CELF4: variants seen among roughly 807,000 people sequenced by gnomAD.
CELF4 encodes the protein CUGBP Elav-like family member 4, also known as CUG-BP- and ETR-3-like factor 4.
In CELF4, 18 loss-of-function variants were observed where a neutral mutation model predicts 59.9. That is an observed-to-expected ratio of 0.30 (90% confidence interval 0.21 to 0.45). The LOEUF (loss-of-function observed/expected upper bound fraction) is 0.45, where lower values mean the gene tolerates loss of function less well. Ranked by LOEUF, CELF4 falls within the 20% of genes least tolerant of loss-of-function variation. The pLI is 1.00. For missense variants in CELF4, 456 were observed against 689.0 expected (o/e 0.66, Z 3.79); for synonymous variants, 261 against 267.1 (o/e 0.98, Z 0.22).
Position 37,438,302 on chromosome 18 carries a change from T to C in CELF4, c.369+47223A>G, listed in dbSNP as rs544639851. On this transcript the variant is annotated intron_variant, in intron 2 of 12. Coordinates refer to ENST00000420428, the MANE Select transcript of CELF4 (RefSeq NM_020180.4). ...TAAATGATGTGACTGGTGTTCCAGA[T>C]GTCAGTGTTACCCCTTGAAATGGAC... Among the ~76,000 whole-genome samples, 6 of 152,298 alleles carry C rather than the reference T, an allele frequency of 3.9e-5. No individual in the cohort carries two copies. In the South Asian group the frequency reaches 1.2e-3, roughly 32 times the overall value.
chr18:37,432,827 C>T (rs531812896), intron 2 of CELF4, among the ~76,000 whole-genome samples: 5 of 152,176 alleles, frequency 3.3e-5, no homozygotes, highest in Non-Finnish European at 7.3e-5. Context: ...TTCAGGAAGC[C>T]TTCTTGGATT....
At chr18:37,389,514 C>T (rs527837638) in intron 2 of CELF4, among the ~76,000 whole-genome samples, 6 of 152,292 alleles carry the variant, frequency 3.9e-5, no homozygotes, top group East Asian at 3.9e-4. Context: ...GTCTTCTTGA[C>T]AAGAAAGCAC....
chr18:37,356,388 T>C (rs1016327691), intron 2 of CELF4, among the ~76,000 whole-genome samples: 20 of 151,688 alleles, frequency 1.3e-4, no homozygotes, highest in Non-Finnish European at 2.6e-4. Context: ...GAGAGAACGG[T>C]TGGGTGTGGA....
intron 2 of CELF4, among the ~76,000 whole-genome samples, chr18:37,426,624 C>T (rs2099614422): frequency 6.6e-6 from 1 of 152,150 alleles, no homozygotes; most frequent in African/African-American, 2.4e-5. Context: ...GCTTCTGCAC[C>T]AGCCTCCTTC....
At chr18:37,350,757 C>T (rs1420390414) in intron 2 of CELF4, among the ~76,000 whole-genome samples, 2 of 152,246 alleles carry the variant, frequency 1.3e-5, no homozygotes, top group African/African-American at 4.8e-5. Flanking sequence ...CTCCAAATGT[C>T]TGATGGTGGG....
intron 3 of CELF4, among the ~76,000 whole-genome samples, chr18:37,283,914 TACACAC>T (rs113079117): frequency 6.0e-5 from 2 of 33,148 alleles, no homozygotes; most frequent in African/African-American, 2.4e-4. Flanking sequence ...AGTGGCAACA[TACACAC>T]ACACACACAC....
At chr18:37,411,669 C>T (rs111378890) in intron 2 of CELF4, among the ~76,000 whole-genome samples, 2,502 of 152,304 alleles carry the variant, frequency 0.016, 74 homozygotes, top group African/African-American at 0.058. Flanking sequence ...ATCAAAGTTC[C>T]CTGAAACCCA....
chr18:37,477,908 G>C (rs1350062443), intron 2 of CELF4, among the ~76,000 whole-genome samples: 1 of 152,184 alleles, frequency 6.6e-6, no homozygotes, highest in Non-Finnish European at 1.5e-5. Context: ...ATTGCAAAAT[G>C]CCTGTCTGGT....
chr18:37,274,458 C>A lies in CELF4; in HGVS notation c.658-4G>T, dbSNP rs530194061. The A allele has an allele frequency of 7.4e-6, 12 of 1,612,092 alleles. No individual in the cohort carries two copies. The highest frequency in any genetic ancestry group is 1.0e-5 in the Non-Finnish European group (12 of 1,179,526). ...CCACCAGACTGGACGAGGCTCCCTG[C>A]GGCCGGGGCGGCGCGTGAGACCCAC... On this transcript the variant is annotated splice_polypyrimidine_tract_variant and splice_region_variant and intron_variant, in intron 5 of 12. Transcript: ENST00000420428.
intron 2 of CELF4, among the ~76,000 whole-genome samples, chr18:37,372,626 T>G (rs1347907288): frequency 3.9e-5 from 6 of 152,014 alleles, no homozygotes; most frequent in Admixed American, 3.9e-4. Context: ...GAACTTAAAG[T>G]ATAATAATAA....
chr18:37,429,412 CTGTG>C (rs111470741), intron 2 of CELF4, among the ~76,000 whole-genome samples: 6,533 of 152,040 alleles, frequency 0.043, 465 homozygotes, highest in African/African-American at 0.15. Context: ...GTGTCTGTGT[CTGTG>C]TGTGTCTATA....
At chr18:37,391,291 A>C (rs2099159037) in intron 2 of CELF4, among the ~76,000 whole-genome samples, 1 of 152,186 alleles carries the variant, frequency 6.6e-6, no homozygotes. Flanking sequence ...ACACATGGAC[A>C]CATGCCCCGG....
chr18:37,372,186 GTT>G (rs1164161235), intron 2 of CELF4, among the ~76,000 whole-genome samples: 1 of 152,226 alleles, frequency 6.6e-6, no homozygotes, highest in Non-Finnish European at 1.5e-5. Flanking sequence ...GCACACGTAT[GTT>G]TATTGCGGCA....
Position 37,427,048 on chromosome 18 carries a change from G to T in CELF4, c.369+58477C>A, listed in dbSNP as rs1210637697. ...CAGCAGCAGGGACACGGGGGGGGGG[G>T]AAGCTGGGCACCCTGGGTGAAGCCC... On this transcript the variant is annotated intron_variant, in intron 2 of 12. Coordinates refer to ENST00000420428, the MANE Select transcript of CELF4 (RefSeq NM_020180.4). 7.0e-5 allele frequency among the ~76,000 whole-genome samples: 10 copies of T among 143,290 alleles called. No homozygotes were observed. In the Admixed American group the frequency reaches 7.2e-4, roughly 10 times the overall value. 94.0% of individuals were successfully genotyped at this position (143,290 alleles called of 152,430 possible). A position where few individuals can be genotyped will look rare whatever the true frequency, so the allele number is the denominator to read the frequency against.
intron 1 of CELF4, among the ~76,000 whole-genome samples, chr18:37,563,547 C>T (rs2099987201): frequency 6.6e-6 from 1 of 151,866 alleles, no homozygotes. Flanking sequence ...GGAAAAACTA[C>T]AAAGATATGG....
intron 2 of CELF4, among the ~76,000 whole-genome samples, chr18:37,330,031 C>A (rs547415915): frequency 1.3e-5 from 2 of 152,188 alleles, no homozygotes; most frequent in East Asian, 1.9e-4. Context: ...AAGCTTTGTG[C>A]AATTTTGAGG....
Position 37,565,571 on chromosome 18 carries a change from C to A in CELF4, c.71G>T (p.Gly24Val), listed in dbSNP as rs1184706697. 1 of 1,613,976 alleles carries A rather than the reference C, an allele frequency of 6.2e-7. No individual in the cohort carries two copies. Among genetic ancestry groups the A allele is most frequent in the East Asian group, 2.2e-5 (1 of 44,882 alleles). Residue 24 changes from glycine (G) to valine (V), a missense_variant, in exon 1 of 13, where the codon GGC becomes GTC. By Grantham distance (109) the Gly-to-Val change is moderately radical. Transcript: ENST00000420428. Reference protein sequence around the residue: ...DNASLSTNGLGSSPGSAGHMN... With the variant: ...DNASLSTNGLVSSPGSAGHMN... ...GTGCCCGGCACTGCCCGGGCTGCTG[C>A]CGAGCCCGTTGGTACTGAGGCTTGC...
chr18:37,347,570 C>T (rs1014693703), intron 2 of CELF4, among the ~76,000 whole-genome samples: 4 of 152,116 alleles, frequency 2.6e-5, no homozygotes, highest in Non-Finnish European at 4.4e-5. Flanking sequence ...GGACCCAGGG[C>T]GGCCGCACAC....
intron 2 of CELF4, among the ~76,000 whole-genome samples, chr18:37,457,122 G>A (rs2099780505): frequency 1.3e-5 from 2 of 152,262 alleles, no homozygotes; most frequent in South Asian, 2.1e-4. Context: ...TGCAGAAGCC[G>A]GGGTGCCTCC....
Sources: gnomAD v4.1 joint callset for allele counts (sites outside exome capture counted in the v4.1 genomes callset) on GRCh38, gnomAD v4.1.1 for gene constraint, MANE v1.5 for transcripts, NCBI Gene and HGNC (gene_info 2026-07-23, HGNC 2026-07-21) for gene names.